The following MORC1 variants were observed in gnomAD, a reference collection of about 807,000 sequenced individuals.
The protein encoded by MORC1 is MORC family CW-type zinc finger 1.
A neutral mutation model predicts 134.9 loss-of-function variants in MORC1; 59 were observed. The observed-to-expected ratio is 0.44, with a 90% CI of 0.35 to 0.54. The LOEUF is 0.54. MORC1 is among the 20% of genes least tolerant of loss of function. MORC1 has a pLI of 0.00. For synonymous variants in MORC1, 395 were observed against 391.7 expected, an observed-to-expected ratio of 1.01 and a Z score of -0.10; for missense variants, 947 against 1,134.5, an observed-to-expected ratio of 0.83 and a Z score of 2.37.
chr3:109,051,060 A>G (rs1949811729), intron 14 of MORC1, among the ~76,000 whole-genome samples: 1 of 152,202 alleles, frequency 6.6e-6, no homozygotes, highest in Non-Finnish European at 1.5e-5. Context: ...CTGATGATTA[A>G]TATTTCTATT....
intron 9 of MORC1, among the ~76,000 whole-genome samples, chr3:109,065,376 C>G (rs1950173936): frequency 6.6e-6 from 1 of 152,074 alleles, no homozygotes. Flanking sequence ...CTTACTGTCC[C>G]CTCCTTCTAG....
chr3:109,044,814 G>A (rs983661455), intron 14 of MORC1, among the ~76,000 whole-genome samples: 4 of 149,220 alleles, frequency 2.7e-5, no homozygotes, highest in Admixed American at 6.8e-5. Context: ...GTGTGGTGGC[G>A]GGCATCTGTA....
chr3:109,103,872 T>C lies in MORC1; in HGVS notation c.200A>G (p.Asp67Gly). ...ACCAGGGCTCATGCCACATCCATCA[T>C]CCAGGAAACACAACATGAATCCCCC... is the stretch of plus-strand genomic sequence containing the variant. ...LQGGFMLCFL[D>G]DGCGMSPEEA... The change falls in exon 4 of 28, where the codon GAT becomes GGT. Residue 67 changes from aspartate (D) to glycine (G), a missense_variant. Transcript: ENST00000232603. 1 of 1,614,002 alleles carries C rather than the reference T, an allele frequency of 6.2e-7. No homozygotes were observed. The highest frequency in any genetic ancestry group is 8.5e-7 in the Non-Finnish European group (1 of 1,179,868).
At chr3:108,962,560 G>A (rs1210128535) in intron 27 of MORC1, among the ~76,000 whole-genome samples, 1 of 152,102 alleles carries the variant, frequency 6.6e-6, no homozygotes, top group Non-Finnish European at 1.5e-5. Flanking sequence ...CACCTTGCAT[G>A]GCCCAGGAAG....
At chr3:109,078,343 T>A (rs1280253344) in intron 8 of MORC1, among the ~76,000 whole-genome samples, 1 of 152,038 alleles carries the variant, frequency 6.6e-6, no homozygotes, top group African/African-American at 2.4e-5. Flanking sequence ...ACAGGCTAGA[T>A]TCTCTGACCA....
At chr3:108,996,284 G>GCACACACACACACACACA (rs1367526527) in intron 21 of MORC1, among the ~76,000 whole-genome samples, 101 of 77,568 alleles carry the variant, frequency 1.3e-3, no homozygotes, top group African/African-American at 3.8e-3. Context: ...GTGCGCGCGC[G>GCACACACACACACACACA]CGCACACACA....
intron 17 of MORC1, among the ~76,000 whole-genome samples, chr3:109,018,228 T>C (rs1166611275): frequency 6.6e-6 from 1 of 152,148 alleles, no homozygotes; most frequent in Non-Finnish European, 1.5e-5. Context: ...GAGAAAATAC[T>C]TTTATGTTTC....
chr3:109,000,965 C>T (rs73202720), intron 20 of MORC1, among the ~76,000 whole-genome samples: 4,374 of 152,090 alleles, frequency 0.029, 100 homozygotes, highest in Non-Finnish European at 0.045. Context: ...AAGTAATCTT[C>T]GAGTAATCAA....
At chr3:109,013,714 CT>C (rs1948751640) in intron 17 of MORC1, among the ~76,000 whole-genome samples, 1 of 152,168 alleles carries the variant, frequency 6.6e-6, no homozygotes, top group South Asian at 2.1e-4. Flanking sequence ...TGATATACAT[CT>C]ATGCTATGGC....
intron 17 of MORC1, among the ~76,000 whole-genome samples, chr3:109,025,379 C>CTTTTTTTTTTTTTTTT (rs63701060): frequency 6.7e-5 from 7 of 105,102 alleles, no homozygotes; most frequent in African/African-American, 1.1e-4. Context: ...TTTCTTTTTT[C>CTTTTTTTTTTTTTTTT]TTTTTTTTTT....
At chr3:109,083,509 G>A (rs575842335) in intron 8 of MORC1, among the ~76,000 whole-genome samples, 87 of 152,142 alleles carry the variant, frequency 5.7e-4, no homozygotes, top group Non-Finnish European at 9.4e-4. Context: ...AGTGGCTCAC[G>A]CCTGTAATAA....
At chr3:109,113,858 G>A (rs568905151) in intron 2 of MORC1, among the ~76,000 whole-genome samples, 4 of 152,274 alleles carry the variant, frequency 2.6e-5, no homozygotes, top group African/African-American at 9.6e-5. Context: ...ATGTGACTTT[G>A]AATAAATCAT....
intron 8 of MORC1, among the ~76,000 whole-genome samples, chr3:109,071,223 G>A (rs1448593782): frequency 3.9e-5 from 6 of 152,030 alleles, no homozygotes; most frequent in African/African-American, 9.7e-5. Flanking sequence ...AAACTGATAC[G>A]TCTTTATCAT....
intron 11 of MORC1, among the ~76,000 whole-genome samples, chr3:109,060,578 G>C (rs1318747124): frequency 6.6e-6 from 1 of 152,000 alleles, no homozygotes; most frequent in Non-Finnish European, 1.5e-5. Flanking sequence ...GCATACTACT[G>C]AATGAACACT....
intron 21 of MORC1, among the ~76,000 whole-genome samples, chr3:108,995,976 T>C (rs549380389): frequency 1.3e-5 from 2 of 152,066 alleles, no homozygotes; most frequent in Admixed American, 1.3e-4. Context: ...TGAATTCATG[T>C]AGGGGACAGT....
intron 25 of MORC1, 22 bp from the exon 26 acceptor site, chr3:108,969,744 G>C: frequency 1.2e-6 from 2 of 1,608,204 alleles, no homozygotes; most frequent in Non-Finnish European, 1.7e-6. Flanking sequence ...AATGATAATA[G>C]AACAGGATAT....
chr3:108,959,700 C>G (rs535299084), intron 27 of MORC1, among the ~76,000 whole-genome samples: 1 of 152,242 alleles, frequency 6.6e-6, no homozygotes, highest in Admixed American at 6.5e-5. Flanking sequence ...TCAAAAAGTT[C>G]ATGGAAAATG....
chr3:108,980,110 A>C (rs1036869618), intron 23 of MORC1, among the ~76,000 whole-genome samples: 1 of 152,240 alleles, frequency 6.6e-6, no homozygotes, highest in Non-Finnish European at 1.5e-5. Flanking sequence ...AGGAAAAAGA[A>C]AATGAGTTAC....
At chr3:108,982,805 C>T (rs943516435) in intron 23 of MORC1, among the ~76,000 whole-genome samples, 2 of 151,564 alleles carry the variant, frequency 1.3e-5, no homozygotes, top group African/African-American at 4.9e-5. Flanking sequence ...TTCACCAGCC[C>T]AAAAAGTCGT....
Sources: allele counts gnomAD v4.1 joint callset (sites outside exome capture counted in the v4.1 genomes callset), GRCh38; gene constraint gnomAD v4.1.1; transcripts MANE v1.5; gene names NCBI Gene and HGNC (gene_info 2026-07-23, HGNC 2026-07-21).